ZPBP: variants seen among roughly 807,000 people sequenced by gnomAD.
ZPBP encodes the protein zona pellucida-binding protein 1.
A neutral mutation model predicts 44.8 loss-of-function variants in ZPBP; 26 were observed. The ratio of observed to expected loss-of-function variants is 0.58; its 90% CI spans 0.43 to 0.81. ZPBP has a LOEUF of 0.81. Among genes scored for constraint, ZPBP ranks in the 30% least tolerant of loss-of-function variants. The pLI is 0.00. For synonymous variants in ZPBP, 174 were observed against 153.2 expected (o/e 1.14, Z -1.00); for missense variants, 409 against 434.0 (o/e 0.94, Z 0.51).
chr7:50,061,751 G>A (rs1911748), intron 3 of ZPBP, among the ~76,000 whole-genome samples: 125,793 of 152,050 alleles, frequency 0.83, 52,067 homozygotes, highest in East Asian at 0.88. Context: ...AATTACAAGC[G>A]GCCAGAAAGA....
chr7:49,973,331 A>C (rs1012464465), intron 7 of ZPBP, among the ~76,000 whole-genome samples: 9 of 151,824 alleles, frequency 5.9e-5, no homozygotes, highest in African/African-American at 1.9e-4. Context: ...AGGCAACAAA[A>C]GAAAAAAAAA....
At chr7:50,036,024 A>G (rs1045716510) in intron 4 of ZPBP, among the ~76,000 whole-genome samples, 1 of 152,254 alleles carries the variant, frequency 6.6e-6, no homozygotes, top group African/African-American at 2.4e-5. Context: ...CAAATGGCAG[A>G]CATAACACAC....
chr7:49,981,358 T>C (rs1195260801), intron 7 of ZPBP, among the ~76,000 whole-genome samples: 1 of 9,998 alleles, frequency 1.0e-4, no homozygotes, highest in Admixed American at 2.2e-3. Context: ...TAATATATAT[T>C]ATATATAATT....
At chr7:50,082,464 G>A (rs922873484) in intron 2 of ZPBP, among the ~76,000 whole-genome samples, 1 of 151,746 alleles carries the variant, frequency 6.6e-6, no homozygotes, top group African/African-American at 2.4e-5. Context: ...AGCAAAAATA[G>A]TATCCTTTAG....
At chr7:49,948,287 C>T (rs191311940) in intron 7 of ZPBP, among the ~76,000 whole-genome samples, 245 of 152,292 alleles carry the variant, frequency 1.6e-3, no homozygotes, top group African/African-American at 5.8e-3. Context: ...GGGATAATCA[C>T]TGGAGGGTTC....
At chr7:49,847,495 T>A (rs147679372), downstream of ZPBP, among the ~76,000 whole-genome samples, 191 of 152,212 alleles carry the variant, frequency 1.3e-3, no homozygotes, top group African/African-American at 4.5e-3. Context: ...GGCAAGGGTT[T>A]GAAAATGTGG....
chr7:49,925,346 G>A (rs1369636351), intron 1 of ZPBP, among the ~76,000 whole-genome samples: 1 of 152,196 alleles, frequency 6.6e-6, no homozygotes, highest in Non-Finnish European at 1.5e-5. Flanking sequence ...TGGATGATTG[G>A]TGTCCCTGGG....
intron 7 of ZPBP, among the ~76,000 whole-genome samples, chr7:49,952,552 A>G (rs947535485): frequency 6.6e-6 from 1 of 152,026 alleles, no homozygotes; most frequent in Non-Finnish European, 1.5e-5. Context: ...TCTCATAGCT[A>G]TACAGGAAAC....
chr7:50,001,359 G>A (rs116287971), intron 6 of ZPBP, among the ~76,000 whole-genome samples: 477 of 152,128 alleles, frequency 3.1e-3, no homozygotes, highest in African/African-American at 0.011. Context: ...TTTAATGCTT[G>A]GAGACAAAAA....
chr7:50,015,284 C>A (rs1798772022), intron 6 of ZPBP, among the ~76,000 whole-genome samples: 1 of 151,986 alleles, frequency 6.6e-6, no homozygotes, highest in Non-Finnish European at 1.5e-5. Context: ...CTACAGACCT[C>A]TTGTACTCAA....
intron 6 of ZPBP, among the ~76,000 whole-genome samples, chr7:50,014,180 T>C (rs1193693531): frequency 6.6e-6 from 1 of 152,034 alleles, no homozygotes; most frequent in Admixed American, 6.6e-5. Context: ...AAAATGGCAC[T>C]TCTCACCAAA....
At chr7:49,950,720 T>G (rs1795304446) in intron 7 of ZPBP, among the ~76,000 whole-genome samples, 2 of 151,564 alleles carry the variant, frequency 1.3e-5, no homozygotes, top group South Asian at 4.2e-4. Context: ...ATATTAGAGA[T>G]TTTTTCATGC....
intron 4 of ZPBP, among the ~76,000 whole-genome samples, chr7:50,034,676 T>C (rs745546162): frequency 6.6e-5 from 10 of 152,132 alleles, no homozygotes; most frequent in Non-Finnish European, 1.0e-4. Flanking sequence ...TCTAACACCA[T>C]CTCCTGAAAT....
At chr7:49,845,882 C>T (rs563437848), downstream of ZPBP, among the ~76,000 whole-genome samples, 9 of 152,250 alleles carry the variant, frequency 5.9e-5, no homozygotes, top group African/African-American at 2.2e-4. Flanking sequence ...TGCGTGTGCA[C>T]ACCCACACGT....
intron 7 of ZPBP, among the ~76,000 whole-genome samples, chr7:49,956,186 A>C (rs1795582212): frequency 1.3e-5 from 2 of 152,126 alleles, no homozygotes; most frequent in Admixed American, 6.5e-5. Context: ...TCTGTTTTTA[A>C]ATTTTCTCTC....
chr7:50,057,272 G>C (rs1800992006), intron 4 of ZPBP, among the ~76,000 whole-genome samples: 1 of 151,624 alleles, frequency 6.6e-6, no homozygotes, highest in South Asian at 2.1e-4. Flanking sequence ...AAGCAGACTT[G>C]GGGGATATGC....
At chr7:50,090,660 C>T (rs1167405805) in intron 1 of ZPBP, among the ~76,000 whole-genome samples, 1 of 151,886 alleles carries the variant, frequency 6.6e-6, no homozygotes, top group African/African-American at 2.4e-5. Context: ...CACACACACA[C>T]ACATATATAT....
At position 49,951,134 on chromosome 7, in the gene ZPBP, G is replaced by C. The variant is rs141319960; in HGVS notation, c.962-13512C>G. Among the ~76,000 whole-genome samples, 267 of 151,682 alleles carry C rather than the reference G, an allele frequency of 1.8e-3. 3 individuals are homozygous for C. Among genetic ancestry groups the C allele is most frequent in the African/African-American group, 6.0e-3 (250 of 41,468 alleles). On this transcript the variant is annotated intron_variant, in intron 7 of 7. Coordinates refer to ENST00000046087, the MANE Select transcript of ZPBP (RefSeq NM_007009.3). ...GATGACCACTTTGAAAAAGATATAG[G>C]GGTAAGTCTTCATGATTTTAGATTT...
intron 7 of ZPBP, among the ~76,000 whole-genome samples, chr7:49,941,346 C>T (rs1373116141): frequency 1.3e-5 from 2 of 152,062 alleles, no homozygotes; most frequent in Non-Finnish European, 2.9e-5. Context: ...TATCCATGCA[C>T]CCATGTCCAT....
Sources: allele counts gnomAD v4.1 joint callset (sites outside exome capture counted in the v4.1 genomes callset), GRCh38; gene constraint gnomAD v4.1.1; transcripts MANE v1.5; gene names NCBI Gene and HGNC (gene_info 2026-07-23, HGNC 2026-07-21).